Variants in BET1 observed in about 807,000 individuals in gnomAD.
BET1 encodes the protein Bet1 golgi vesicular membrane trafficking protein.
A neutral mutation model predicts 13.9 loss-of-function variants in BET1; 9 were observed. The observed-to-expected ratio is 0.65, with a 90% CI of 0.39 to 1.13. The LOEUF (loss-of-function observed/expected upper bound fraction) is 1.13. Ranked by LOEUF, BET1 falls within the 50% of genes most tolerant of loss-of-function variation. BET1 has a pLI of 0.01. For synonymous variants in BET1, 39 were observed against 47.3 expected, an observed-to-expected ratio of 0.82 and a Z score of 0.72; for missense variants, 127 against 133.6, an observed-to-expected ratio of 0.95 and a Z score of 0.24.
At chr7:93,989,292 G>A (rs1452511545), downstream of BET1, among the ~76,000 whole-genome samples, 5 of 151,962 alleles carry the variant, frequency 3.3e-5, no homozygotes, top group African/African-American at 9.7e-5. Flanking sequence ...GGGATTACAG[G>A]CGTAAGCCAC....
intron 5 of BET1, among the ~76,000 whole-genome samples, chr7:93,974,867 A>G (rs1013853473): frequency 1.3e-5 from 2 of 152,070 alleles, no homozygotes; most frequent in African/African-American, 2.4e-5. Flanking sequence ...GAAAACTGGG[A>G]GACACCACTT....
chr7:93,998,779 G>GT (rs1424508025), intron 2 of BET1, among the ~76,000 whole-genome samples: 23 of 152,132 alleles, frequency 1.5e-4, no homozygotes, highest in Admixed American at 1.3e-3. Flanking sequence ...GAAAGACAGT[G>GT]TAAGACTCAG....
chr7:93,999,179 A>G lies in BET1; in HGVS notation c.135T>C (p.Ala45=). ...TTTGTTATATACTTACAGATTTTAT[A>G]GCAGTTACTTTGCTTCTCAGACTTT... is the stretch of plus-strand genomic sequence containing the variant. ...LTESLRSKVT[A]IKSLSIEIGH... Residue 45 remains alanine (A), a synonymous_variant, in exon 2 of 4, where the codon GCT becomes GCC. Transcript: ENST00000222547. 1 of 1,611,318 alleles carries G rather than the reference A, an allele frequency of 6.2e-7. No homozygotes were observed. Among genetic ancestry groups the G allele is most frequent in the Non-Finnish European group, 8.5e-7 (1 of 1,178,138 alleles).
chr7:93,982,532 A>C (rs765486021), intron 4 of BET1, among the ~76,000 whole-genome samples: 20 of 152,138 alleles, frequency 1.3e-4, no homozygotes, highest in Non-Finnish European at 2.4e-4. Flanking sequence ...ATGTGTATAC[A>C]TCCTGTCCTT....
chr7:93,994,154 T>C lies in BET1; in HGVS notation c.*76A>G. Reference sequence around the variant, plus strand: ...CACAGTATTTGAACACTAGGAATGTTTTGATGCTGATTTTTATCAAAGTGG... The same window carrying C: ...CACAGTATTTGAACACTAGGAATGTCTTGATGCTGATTTTTATCAAAGTGG... On this transcript the variant is annotated 3_prime_UTR_variant, in exon 4 of 4. Transcript: ENST00000222547. The C allele has an allele frequency of 6.6e-7, 1 of 1,518,064 alleles. No individual in the cohort carries two copies. The highest frequency in any genetic ancestry group is 8.8e-7 in the Non-Finnish European group (1 of 1,138,276). 94.0% of individuals were successfully genotyped at this position (1,518,064 alleles called of 1,614,324 possible).
intron 1 of BET1, among the ~76,000 whole-genome samples, chr7:94,002,460 A>T (rs1313784561): frequency 0.027 from 1,461 of 54,490 alleles, 26 homozygotes; most frequent in African/African-American, 0.075. Context: ...CTTTTTTTTA[A>T]AAAAAAAAAA....
intron 5 of BET1, chr7:93,972,723 C>T (rs1391797216): frequency 6.6e-6 from 1 of 151,728 alleles, no homozygotes; most frequent in East Asian, 1.9e-4. Flanking sequence ...CCATTTCCTA[C>T]TATTCTAAAA....
intron 5 of BET1, among the ~76,000 whole-genome samples, chr7:93,973,118 G>T (rs1230455348): frequency 1.3e-5 from 2 of 151,870 alleles, no homozygotes; most frequent in East Asian, 3.9e-4. Flanking sequence ...TGGTTATACA[G>T]ATATTTGAAG....
downstream of BET1, among the ~76,000 whole-genome samples, chr7:93,990,518 G>A (rs1795612015): frequency 6.6e-6 from 1 of 151,880 alleles, no homozygotes; most frequent in South Asian, 2.1e-4. Flanking sequence ...TTAATTACAG[G>A]CATTAGAGAA....
At chr7:93,997,049 GAAGAA>G (rs1389818102) in intron 2 of BET1, among the ~76,000 whole-genome samples, 14 of 151,944 alleles carry the variant, frequency 9.2e-5, no homozygotes, top group Non-Finnish European at 5.9e-5. Context: ...CTGAAGCTCT[GAAGAA>G]AAGAGCCATA....
chr7:93,999,376 C>T (rs1223367405), intron 1 of BET1, 82 bp from the exon 2 acceptor site: 7 of 1,504,498 alleles, frequency 4.7e-6, no homozygotes, highest in Non-Finnish European at 6.2e-6. Context: ...TGAAAAAGAC[C>T]CCTGGAGGGC....
chr7:94,002,404 A>G (rs1449284381), intron 1 of BET1, among the ~76,000 whole-genome samples: 1 of 151,462 alleles, frequency 6.6e-6, no homozygotes, highest in Non-Finnish European at 1.5e-5. Flanking sequence ...AATTATAGCA[A>G]TAGTAGTTAC....
At chr7:93,996,074 AT>A in intron 3 of BET1, 190 bp downstream of exon 3, 1 of 542,704 alleles carries the variant, frequency 1.8e-6, no homozygotes, top group Non-Finnish European at 3.2e-6. Context: ...TCCCACTTAC[AT>A]GCGTAAGACG....
downstream of BET1, among the ~76,000 whole-genome samples, chr7:93,988,959 A>G (rs1427935939): frequency 1.3e-5 from 2 of 148,200 alleles, no homozygotes; most frequent in Non-Finnish European, 3.0e-5. Context: ...AAATATATAT[A>G]TATACATATA....
downstream of BET1, among the ~76,000 whole-genome samples, chr7:93,991,201 T>C (rs1352313700): frequency 6.6e-6 from 1 of 152,180 alleles, no homozygotes; most frequent in Non-Finnish European, 1.5e-5. Flanking sequence ...GGAAGGTTAA[T>C]AAATGTAGGA....
intron 4 of BET1, among the ~76,000 whole-genome samples, chr7:93,980,949 T>C (rs535479165): frequency 6.6e-6 from 1 of 152,340 alleles, no homozygotes; most frequent in South Asian, 2.1e-4. Context: ...AGTTCAAGTG[T>C]AATTGGGAAA....
chr7:93,997,233 T>C (rs1173288435), intron 2 of BET1, among the ~76,000 whole-genome samples: 1 of 152,182 alleles, frequency 6.6e-6, no homozygotes, highest in Non-Finnish European at 1.5e-5. Context: ...TCTTCATCTG[T>C]GTGAAAGCAC....
intron 2 of BET1, 149 bp from the exon 3 acceptor site, chr7:93,996,470 C>A: frequency 1.9e-6 from 1 of 532,650 alleles, no homozygotes; most frequent in South Asian, 3.6e-5. Context: ...ACTTTTTCTA[C>A]CAAGATCAAT....
chr7:93,986,850 T>C (rs1795536155), intron 4 of BET1, among the ~76,000 whole-genome samples: 1 of 152,190 alleles, frequency 6.6e-6, no homozygotes, highest in African/African-American at 2.4e-5. Flanking sequence ...ACCTTTTCTA[T>C]GATTAGATGT....
Sources: gnomAD v4.1 joint callset for allele counts (sites outside exome capture counted in the v4.1 genomes callset) on GRCh38, gnomAD v4.1.1 for gene constraint, MANE v1.5 for transcripts, NCBI Gene and HGNC (gene_info 2026-07-23, HGNC 2026-07-21) for gene names.